SLC35D1: variants seen among roughly 807,000 people sequenced by gnomAD.
SLC35D1 encodes the protein solute carrier family 35 member D1, also known as nucleotide sugar transporter SLC35D1.
In SLC35D1, 31 loss-of-function variants were observed where a neutral mutation model predicts 46.7. The ratio of observed to expected loss-of-function variants is 0.66; its 90% CI spans 0.50 to 0.90. SLC35D1 has a LOEUF of 0.90. SLC35D1 is among the 40% of genes least tolerant of loss of function. The pLI is 0.00. For synonymous variants in SLC35D1, 195 were observed against 164.6 expected (o/e 1.18, Z -1.41); for missense variants, 397 against 426.2 (o/e 0.93, Z 0.60).
At chr1:67,050,343 A>G (rs1266444590) in intron 5 of SLC35D1, 90 bp downstream of exon 5, 12 of 990,850 alleles carry the variant, frequency 1.2e-5, no homozygotes, top group Non-Finnish European at 1.9e-5. Context: ...AAGGTAAGGT[A>G]GGAACAAGAC....
intron 8 of SLC35D1, among the ~76,000 whole-genome samples, chr1:67,033,106 T>C (rs1668050625): frequency 6.6e-6 from 1 of 152,226 alleles, no homozygotes; most frequent in Admixed American, 6.5e-5. Context: ...TTGTACTCCA[T>C]TGTTTATATG....
intron 1 of SLC35D1, 118 bp from the exon 2 acceptor site, chr1:67,053,107 G>A: frequency 8.3e-7 from 1 of 1,204,392 alleles, no homozygotes; most frequent in Non-Finnish European, 1.2e-6. Flanking sequence ...ATCAACGTCC[G>A]CCCCTAAATC....
At chr1:67,009,001 A>G in intron 11 of SLC35D1, 84 bp downstream of exon 11, 1 of 684,416 alleles carries the variant, frequency 1.5e-6, no homozygotes, top group South Asian at 1.6e-5. Context: ...TAAATGTTCC[A>G]TTAATTTAAT....
At chr1:67,006,944 C>T (rs968356422) in intron 11 of SLC35D1, among the ~76,000 whole-genome samples, 22 of 152,222 alleles carry the variant, frequency 1.4e-4, no homozygotes, top group Non-Finnish European at 3.2e-4. Flanking sequence ...GTTCAATCTA[C>T]ACTAGCTATG....
chr1:67,031,358 G>A (rs1187219944), intron 8 of SLC35D1, among the ~76,000 whole-genome samples: 1 of 151,902 alleles, frequency 6.6e-6, no homozygotes, highest in Non-Finnish European at 1.5e-5. Context: ...CAGAACCCTG[G>A]CAGTCCCTAC....
At chr1:66,981,794 T>C in the SLC35D1 span, 4 of 1,613,586 alleles carry the variant, frequency 2.5e-6, no homozygotes, top group East Asian at 6.7e-5. Flanking sequence ...ACATGGATCG[T>C]CTTCTAGACG....
chr1:67,045,638 C>T (rs1645244242), intron 7 of SLC35D1, among the ~76,000 whole-genome samples: 1 of 152,130 alleles, frequency 6.6e-6, no homozygotes, highest in Admixed American at 6.5e-5. Context: ...GAATAAAACA[C>T]TCAGAAACTT....
Position 67,049,844 on chromosome 1 carries a change from A to C in SLC35D1, c.471T>G (p.Thr157=), listed in dbSNP as rs768208049. The C allele has an allele frequency of 3.7e-6, 6 of 1,613,082 alleles. No individual in the cohort carries two copies. The African/African-American group carries it at 5.3e-5, about 14-fold the overall frequency. ...CAGTCATTTTAATACCCCAAGAAAA[A>C]GTCTTCCTACAAAACAAAAAATTTT... The part of the protein sequence containing the change: ...MFAEGVLLKK[T]FSWGIKMTVF... Residue 157 remains threonine, a synonymous_variant, in exon 6 of 12, where the codon ACT becomes ACG. Transcript: ENST00000235345.
the SLC35D1 span, among the ~76,000 whole-genome samples, chr1:66,981,620 C>T: frequency 3.5e-3 from 531 of 152,222 alleles, 5 homozygotes; most frequent in Non-Finnish European, 4.8e-3. Flanking sequence ...AGGAGCTTTT[C>T]ATTTAAATAT....
At chr1:66,975,107 G>A in the SLC35D1 span, among the ~76,000 whole-genome samples, 1 of 152,118 alleles carries the variant, frequency 6.6e-6, no homozygotes, top group Non-Finnish European at 1.5e-5. Flanking sequence ...GGGTAAGGGA[G>A]GGTATCATCA....
chr1:66,986,610 A>G, the SLC35D1 span: 2 of 688,364 alleles, frequency 2.9e-6, no homozygotes, highest in Non-Finnish European at 4.9e-6. Context: ...TCCCTTCACC[A>G]ATGTGAACAA....
chr1:67,040,649 C>G (rs1462140755), intron 8 of SLC35D1, among the ~76,000 whole-genome samples: 1 of 152,064 alleles, frequency 6.6e-6, no homozygotes, highest in Non-Finnish European at 1.5e-5. Context: ...CTTCAAGGCC[C>G]ACTTTGACTT....
chr1:67,026,389 T>C (rs994657686), intron 8 of SLC35D1, among the ~76,000 whole-genome samples: 3 of 152,194 alleles, frequency 2.0e-5, no homozygotes, highest in Non-Finnish European at 2.9e-5. Flanking sequence ...TTTTAATATA[T>C]TGCTGGATTT....
chr1:66,975,273 T>C, the SLC35D1 span, among the ~76,000 whole-genome samples: 2 of 152,210 alleles, frequency 1.3e-5, no homozygotes, highest in East Asian at 1.9e-4. Flanking sequence ...ATGCCTGTTA[T>C]CTCAGTACTT....
downstream of SLC35D1, among the ~76,000 whole-genome samples, chr1:66,997,517 A>ATATATAT (rs1319900394): frequency 0.016 from 389 of 24,090 alleles, 2 homozygotes; most frequent in African/African-American, 0.032. Flanking sequence ...AAAAAAAAAA[A>ATATATAT]AAATATATAT....
In SLC35D1 at chr1:67,000,942, C is replaced by T. The variant is rs920736739; in HGVS notation, c.*3398G>A. On this transcript the variant is annotated 3_prime_UTR_variant, in exon 12 of 12. Coordinates refer to ENST00000235345, the MANE Select transcript of SLC35D1 (RefSeq NM_015139.3). Reference sequence around the variant, plus strand: ...GGGCGTCCCTAAAATCAGTGATACTCATAACCATGCAGGCAGCTCTTGGTT... The same window carrying T: ...GGGCGTCCCTAAAATCAGTGATACTTATAACCATGCAGGCAGCTCTTGGTT... 1 of 152,334 alleles carries T rather than the reference C, an allele frequency of 6.6e-6. No individual in the cohort carries two copies. The highest frequency in any genetic ancestry group is 1.5e-5 in the Non-Finnish European group (1 of 68,036). 9.4% of individuals were successfully genotyped at this position (152,334 alleles called of 1,614,324 possible).
intron 1 of SLC35D1, among the ~76,000 whole-genome samples, chr1:67,053,304 AC>A (rs67864297): frequency 1.9e-4 from 29 of 150,960 alleles, no homozygotes; most frequent in African/African-American, 6.8e-4. Flanking sequence ...AAAAAAAAAA[AC>A]AACCAACTTC....
intron 1 of SLC35D1, 104 bp downstream of exon 1, chr1:67,053,707 G>C (rs1343868216): frequency 8.7e-7 from 1 of 1,150,742 alleles, no homozygotes; most frequent in Non-Finnish European, 1.1e-6. Context: ...GCCCAACTTT[G>C]TTCGGCTTTA....
the SLC35D1 span, among the ~76,000 whole-genome samples, chr1:66,989,786 AT>A: frequency 6.6e-6 from 1 of 152,236 alleles, no homozygotes; most frequent in South Asian, 2.1e-4. Flanking sequence ...AAAAGAAAAC[AT>A]ACGGGCCTTA....
Sources: gnomAD v4.1 joint callset for allele counts (sites outside exome capture counted in the v4.1 genomes callset) on GRCh38, gnomAD v4.1.1 for gene constraint, MANE v1.5 for transcripts, NCBI Gene and HGNC (gene_info 2026-07-23, HGNC 2026-07-21) for gene names.